Variants in CTNNBL1 observed in about 807,000 individuals in gnomAD.
CTNNBL1 encodes catenin beta like 1.
A neutral mutation model predicts 72.7 loss-of-function variants in CTNNBL1; 31 were observed. That is an observed-to-expected ratio of 0.43 (90% CI 0.32 to 0.58). The LOEUF (loss-of-function observed/expected upper bound fraction) is 0.58. Ranked by LOEUF, CTNNBL1 falls within the 20% of genes least tolerant of loss-of-function variation. The pLI is 0.08. For missense variants in CTNNBL1, 534 were observed against 725.1 expected, an observed-to-expected ratio of 0.74 and a Z score of 3.03; for synonymous variants, 240 against 267.3, an observed-to-expected ratio of 0.90 and a Z score of 1.00.
At chr20:37,815,730 G>A (rs767172699) in intron 11 of CTNNBL1, among the ~76,000 whole-genome samples, 1 of 152,186 alleles carries the variant, frequency 6.6e-6, no homozygotes, top group Non-Finnish European at 1.5e-5. Context: ...AGCATAAGAA[G>A]GGGAAGTGAA....
intron 1 of CTNNBL1, among the ~76,000 whole-genome samples, chr20:37,710,273 C>T (rs2072925780): frequency 6.6e-6 from 1 of 152,144 alleles, no homozygotes; most frequent in African/African-American, 2.4e-5. Flanking sequence ...CTTGTGCCTA[C>T]TTTGTGTAGT....
chr20:37,843,781 G>A (rs2072324709), intron 13 of CTNNBL1, among the ~76,000 whole-genome samples: 1 of 152,338 alleles, frequency 6.6e-6, no homozygotes, highest in South Asian at 2.1e-4. Context: ...ATAGGTAGCT[G>A]TGCTTTTCAT....
intron 11 of CTNNBL1, among the ~76,000 whole-genome samples, chr20:37,826,870 G>A (rs540315596): frequency 3.9e-5 from 6 of 152,260 alleles, no homozygotes; most frequent in East Asian, 1.9e-4. Flanking sequence ...TGTATAATAC[G>A]TATTTTTAAA....
At chr20:37,733,223 A>G (rs1346329232) in intron 2 of CTNNBL1, among the ~76,000 whole-genome samples, 156 bp downstream of exon 2, 1 of 152,176 alleles carries the variant, frequency 6.6e-6, no homozygotes, top group African/African-American at 2.4e-5. Flanking sequence ...TAAGTGGGCT[A>G]GTGCAGTTGG....
rs199729759 is a variant in CTNNBL1, at chr20:37,828,284, C to T, written c.1214-11818C>T. Among the ~76,000 whole-genome samples the T allele has an allele frequency of 3.9e-5, 6 of 152,280 alleles. No individual in the cohort carries two copies. The East Asian group carries it at 1.2e-3, about 29-fold the overall frequency. On this transcript the variant is annotated intron_variant, in intron 11 of 15. Transcript: ENST00000361383. ...AAGCTCTCACATGTGTTGCAGAGAA[C>T]GAGAGCTCATCTCCGCACATCCTTA...
At chr20:37,801,811 T>A (rs951811421) in intron 10 of CTNNBL1, among the ~76,000 whole-genome samples, 2 of 152,186 alleles carry the variant, frequency 1.3e-5, no homozygotes, top group Non-Finnish European at 2.9e-5. Flanking sequence ...ATTTTCACTC[T>A]CATCACTGCT....
intron 1 of CTNNBL1, among the ~76,000 whole-genome samples, chr20:37,725,883 T>C (rs1256610793): frequency 6.7e-6 from 1 of 149,402 alleles, no homozygotes; most frequent in African/African-American, 2.5e-5. Flanking sequence ...ACTTAGGAGG[T>C]TGAGACAGGA....
At chr20:37,801,948 C>G (rs1025988201) in intron 10 of CTNNBL1, among the ~76,000 whole-genome samples, 2 of 152,132 alleles carry the variant, frequency 1.3e-5, no homozygotes, top group African/African-American at 2.4e-5. Flanking sequence ...ATAGAAAATC[C>G]TAAGGAATCT....
intron 13 of CTNNBL1, among the ~76,000 whole-genome samples, chr20:37,855,477 C>T (rs534009389): frequency 6.6e-6 from 1 of 152,320 alleles, no homozygotes; most frequent in East Asian, 1.9e-4. Flanking sequence ...TGTTTTATCA[C>T]TGCTGTCCCA....
intron 5 of CTNNBL1, among the ~76,000 whole-genome samples, chr20:37,760,987 T>TAA (rs199904274): frequency 1.6e-4 from 22 of 138,892 alleles, no homozygotes; most frequent in East Asian, 8.2e-4. Context: ...AGCTTTAGTT[T>TAA]AAAAAAAAAA....
chr20:37,716,271 A>G (rs761734059), intron 1 of CTNNBL1, among the ~76,000 whole-genome samples: 3 of 152,210 alleles, frequency 2.0e-5, no homozygotes, highest in Non-Finnish European at 4.4e-5. Flanking sequence ...GTATTAATTA[A>G]AAATCACTTT....
At chr20:37,779,495 G>A (rs1326089369) in intron 10 of CTNNBL1, among the ~76,000 whole-genome samples, 160 bp downstream of exon 10, 1 of 152,028 alleles carries the variant, frequency 6.6e-6, no homozygotes. Flanking sequence ...TGTTTGTATA[G>A]GTATGTGGTC....
intron 7 of CTNNBL1, among the ~76,000 whole-genome samples, chr20:37,769,499 A>G (rs2073503788): frequency 1.3e-5 from 2 of 152,186 alleles, no homozygotes; most frequent in African/African-American, 4.8e-5. Flanking sequence ...ATTTGTATTC[A>G]TGTCTTTTAG....
At chr20:37,848,146 C>CTTT (rs397866131) in intron 13 of CTNNBL1, among the ~76,000 whole-genome samples, 41 of 87,766 alleles carry the variant, frequency 4.7e-4, no homozygotes, top group African/African-American at 1.5e-3. Context: ...CCACTGCCAG[C>CTTT]TTTTTTTTTT....
chr20:37,793,257 A>G (rs2073741865), intron 10 of CTNNBL1, among the ~76,000 whole-genome samples: 1 of 152,018 alleles, frequency 6.6e-6, no homozygotes, highest in South Asian at 2.1e-4. Context: ...GGATATGTCT[A>G]TTTTTCCTTT....
chr20:37,853,975 C>T (rs189877364), intron 13 of CTNNBL1, among the ~76,000 whole-genome samples: 2 of 152,352 alleles, frequency 1.3e-5, no homozygotes, highest in Admixed American at 1.3e-4. Context: ...AGAAGCCAAT[C>T]TCTGTTTCAT....
chr20:37,839,299 C>T (rs1392804542), intron 11 of CTNNBL1, among the ~76,000 whole-genome samples: 2 of 152,160 alleles, frequency 1.3e-5, no homozygotes, highest in Middle Eastern at 3.2e-3. Context: ...TTCAAATAAA[C>T]TGTTTGTTGT....
At chr20:37,784,405 G>C in intron 10 of CTNNBL1, among the ~76,000 whole-genome samples, 1 of 151,860 alleles carries the variant, frequency 6.6e-6, no homozygotes, top group Non-Finnish European at 1.5e-5. Context: ...TTTGTTTTCT[G>C]GTTGTTTTGT....
rs1304134605 is a variant in CTNNBL1 at position 37,774,392 on chromosome 20, A to C, written c.751-2953A>C. 2.6e-5 allele frequency among the ~76,000 whole-genome samples: 4 copies of C among 152,146 alleles called. No individual in the cohort carries two copies. In the East Asian group the frequency reaches 7.7e-4, roughly 29 times the overall value. On this transcript the variant is annotated intron_variant, in intron 7 of 15. Transcript: ENST00000361383. ...ATCTTTGAAGCCACCTCCTCTTGCC[A>C]AGCTGCTTCTCAGCTGGCACTGCTT...
Sources: allele counts gnomAD v4.1 joint callset (sites outside exome capture counted in the v4.1 genomes callset), GRCh38; gene constraint gnomAD v4.1.1; transcripts MANE v1.5; gene names NCBI Gene and HGNC (gene_info 2026-07-23, HGNC 2026-07-21).